The following SCFD2 variants were observed in gnomAD, a reference collection of about 807,000 sequenced individuals.
SCFD2 encodes the protein sec1 family domain-containing protein 2.
SCFD2 carries 54 observed loss-of-function variants against 58.9 expected under a neutral mutation model. The ratio of observed to expected loss-of-function variants is 0.92; its 90% CI spans 0.74 to 1.15. The LOEUF is 1.15. Among genes scored for constraint, SCFD2 ranks in the 50% most tolerant of loss-of-function variants. SCFD2 has a pLI of 0.00. For synonymous variants in SCFD2, 321 were observed against 335.9 expected (o/e 0.96, Z 0.49); for missense variants, 805 against 836.6 (o/e 0.96, Z 0.47).
intron 2 of SCFD2, among the ~76,000 whole-genome samples, chr4:53,329,467 A>ACC (rs1283171066): frequency 6.6e-6 from 1 of 150,688 alleles, no homozygotes; most frequent in East Asian, 2.0e-4. Context: ...ACTGGGAGGC[A>ACC]CCCCCCAGCA....
At chr4:53,235,105 C>T (rs1263846967) in intron 4 of SCFD2, among the ~76,000 whole-genome samples, 1 of 152,228 alleles carries the variant, frequency 6.6e-6, no homozygotes, top group East Asian at 1.9e-4. Flanking sequence ...AAGACATGTG[C>T]CTGCCCTTTA....
intron 5 of SCFD2, among the ~76,000 whole-genome samples, chr4:53,076,346 A>C (rs1723973647): frequency 6.6e-6 from 1 of 152,186 alleles, no homozygotes; most frequent in South Asian, 2.1e-4. Flanking sequence ...TGAAAACCAT[A>C]CCCTTGAACA....
chr4:52,980,174 T>C (rs1721343853), intron 5 of SCFD2, among the ~76,000 whole-genome samples: 1 of 152,186 alleles, frequency 6.6e-6, no homozygotes, highest in African/African-American at 2.4e-5. Context: ...TTAATGGAAA[T>C]GATAATGTTG....
chr4:52,881,725 A>G (rs1718614205), intron 8 of SCFD2, among the ~76,000 whole-genome samples: 2 of 152,214 alleles, frequency 1.3e-5, no homozygotes, highest in African/African-American at 4.8e-5. Context: ...TTAATTGTCT[A>G]TAATGTGTCA....
chr4:53,171,846 G>A lies in SCFD2; in HGVS notation c.1312-26264C>T, dbSNP rs116376447. ...GTGGTATCACCTTCAATGTCTTCTC[G>A]TTAATTTCTGATTTTATTTTAATCT... On this transcript the variant is annotated intron_variant, in intron 4 of 8. Coordinates refer to ENST00000401642, the MANE Select transcript of SCFD2 (RefSeq NM_152540.4). 7.5e-3 allele frequency among the ~76,000 whole-genome samples: 1,133 copies of A among 151,524 alleles called. 7 individuals are homozygous for A. The highest frequency in any genetic ancestry group is 0.026 in the African/African-American group (1,070 of 41,368).
intron 4 of SCFD2, among the ~76,000 whole-genome samples, chr4:53,182,101 C>T (rs1197563249): frequency 6.6e-6 from 1 of 152,088 alleles, no homozygotes; most frequent in Non-Finnish European, 1.5e-5. Flanking sequence ...AGATTCAATG[C>T]CATCCCCATC....
chr4:53,264,815 C>A (rs1246347838), intron 4 of SCFD2, among the ~76,000 whole-genome samples: 1 of 152,154 alleles, frequency 6.6e-6, no homozygotes, highest in Admixed American at 6.5e-5. Flanking sequence ...TTTTAAAAAA[C>A]CAATCCTACC....
intron 4 of SCFD2, among the ~76,000 whole-genome samples, chr4:53,213,150 C>A (rs1728678481): frequency 6.6e-6 from 1 of 152,020 alleles, no homozygotes; most frequent in African/African-American, 2.4e-5. Flanking sequence ...AAAGCACTAC[C>A]TTTTTGCAAA....
At chr4:52,897,174 C>T (rs1301083608) in intron 7 of SCFD2, among the ~76,000 whole-genome samples, 1 of 152,188 alleles carries the variant, frequency 6.6e-6, no homozygotes, top group Non-Finnish European at 1.5e-5. Context: ...ATTGCCCTGG[C>T]CAGAACTTCC....
At chr4:52,917,784 G>A (rs1192931735) in intron 6 of SCFD2, among the ~76,000 whole-genome samples, 3 of 152,142 alleles carry the variant, frequency 2.0e-5, no homozygotes, top group Non-Finnish European at 4.4e-5. Flanking sequence ...AACGCAGTTG[G>A]GACACCTTCT....
intron 5 of SCFD2, among the ~76,000 whole-genome samples, chr4:52,974,270 C>T (rs1255157327): frequency 1.3e-5 from 2 of 152,028 alleles, no homozygotes; most frequent in Non-Finnish European, 2.9e-5. Flanking sequence ...TCTAGAAAAC[C>T]CCATCGTCTC....
At chr4:53,203,012 C>T (rs1237389875) in intron 4 of SCFD2, among the ~76,000 whole-genome samples, 1 of 152,156 alleles carries the variant, frequency 6.6e-6, no homozygotes, top group East Asian at 1.9e-4. Flanking sequence ...ATTGAATGCC[C>T]TTTATTTCCT....
intron 5 of SCFD2, among the ~76,000 whole-genome samples, chr4:52,931,144 A>C (rs1423561717): frequency 6.6e-6 from 1 of 152,208 alleles, no homozygotes; most frequent in Admixed American, 6.5e-5. Context: ...GCTTCCTAAA[A>C]GGTGGATTGT....
At chr4:53,327,070 G>A (rs1733223099) in intron 2 of SCFD2, among the ~76,000 whole-genome samples, 1 of 151,950 alleles carries the variant, frequency 6.6e-6, no homozygotes, top group South Asian at 2.1e-4. Flanking sequence ...GTGCCTAGAA[G>A]GGAGTTGTCT....
At chr4:53,334,124 G>A (rs566016367) in intron 2 of SCFD2, among the ~76,000 whole-genome samples, 35 of 152,190 alleles carry the variant, frequency 2.3e-4, no homozygotes, top group African/African-American at 7.5e-4. Flanking sequence ...AGGATGTGGA[G>A]AAATAGGAAC....
chr4:53,156,644 G>A (rs1726697697), intron 4 of SCFD2, among the ~76,000 whole-genome samples: 2 of 152,194 alleles, frequency 1.3e-5, no homozygotes, highest in East Asian at 3.9e-4. Flanking sequence ...CTTGCCGTGA[G>A]CCGAGATTGA....
chr4:53,243,651 A>C (rs542172848), intron 4 of SCFD2, among the ~76,000 whole-genome samples: 45 of 152,126 alleles, frequency 3.0e-4, no homozygotes, highest in African/African-American at 9.9e-4. Context: ...CAAGTAAATG[A>C]GCTAAATGTC....
At chr4:53,313,004 T>C (rs1224979729) in intron 3 of SCFD2, among the ~76,000 whole-genome samples, 2 of 152,166 alleles carry the variant, frequency 1.3e-5, no homozygotes, top group Non-Finnish European at 1.5e-5. Context: ...TGTGGTTCTC[T>C]GACTTTTTGA....
intron 5 of SCFD2, among the ~76,000 whole-genome samples, chr4:52,924,830 G>A (rs763742564): frequency 1.3e-5 from 2 of 152,168 alleles, no homozygotes; most frequent in East Asian, 1.9e-4. Flanking sequence ...CCCGATTGCA[G>A]ACCTGAACTT....
Sources: gnomAD v4.1 joint callset for allele counts (sites outside exome capture counted in the v4.1 genomes callset) on GRCh38, gnomAD v4.1.1 for gene constraint, MANE v1.5 for transcripts, NCBI Gene and HGNC (gene_info 2026-07-23, HGNC 2026-07-21) for gene names.